Variants in HECW1 observed in about 807,000 individuals in gnomAD.
HECW1 encodes HECT, C2 and WW domain containing E3 ubiquitin protein ligase 1.
A neutral mutation model predicts 182.3 loss-of-function variants in HECW1; 61 were observed. The observed-to-expected ratio is 0.33, with a 90% CI of 0.27 to 0.41. The LOEUF (loss-of-function observed/expected upper bound fraction) is 0.41, where lower values mean the gene tolerates loss of function less well. Among genes scored for constraint, HECW1 ranks in the 10% least tolerant of loss-of-function variants. The pLI is 1.00. For synonymous variants in HECW1, 859 were observed against 832.6 expected (o/e 1.03, Z -0.55); for missense variants, 1,739 against 2,108.9 (o/e 0.82, Z 3.44).
intron 24 of HECW1, among the ~76,000 whole-genome samples, chr7:43,537,081 A>G (rs2081203638): frequency 6.6e-6 from 1 of 152,196 alleles, no homozygotes; most frequent in African/African-American, 2.4e-5. Context: ...GAGCAGTGCT[A>G]CACCCCAGGA....
intron 2 of HECW1, among the ~76,000 whole-genome samples, chr7:43,175,238 C>T (rs935626741): frequency 2.6e-5 from 4 of 152,046 alleles, no homozygotes; most frequent in African/African-American, 9.7e-5. Flanking sequence ...AACATTCATT[C>T]CCTCGCACAC....
intron 12 of HECW1, among the ~76,000 whole-genome samples, chr7:43,455,143 T>G (rs2077359842): frequency 6.6e-6 from 1 of 152,214 alleles, no homozygotes; most frequent in Non-Finnish European, 1.5e-5. Context: ...TTTTGTTTTC[T>G]TTTGTTTTTA....
At chr7:43,508,247 G>A (rs373957547) in intron 23 of HECW1, 116 bp downstream of exon 23, 13 of 615,808 alleles carry the variant, frequency 2.1e-5, no homozygotes, top group South Asian at 1.4e-4. Flanking sequence ...ACCCCAATGC[G>A]ATTCTGATCA....
At chr7:43,479,333 C>A (rs907922567) in intron 16 of HECW1, among the ~76,000 whole-genome samples, 1 of 152,078 alleles carries the variant, frequency 6.6e-6, no homozygotes, top group Non-Finnish European at 1.5e-5. Flanking sequence ...GGGGTTTGTG[C>A]TCCTATGAGA....
intron 2 of HECW1, among the ~76,000 whole-genome samples, chr7:43,169,076 A>G (rs1320765174): frequency 6.6e-6 from 1 of 152,170 alleles, no homozygotes; most frequent in African/African-American, 2.4e-5. Context: ...TATATTTGAA[A>G]TTAGTAGGGA....
chr7:43,427,765 G>T (rs1266681740), intron 8 of HECW1, among the ~76,000 whole-genome samples: 1 of 152,116 alleles, frequency 6.6e-6, no homozygotes, highest in East Asian at 1.9e-4. Flanking sequence ...GTTGTTGGCA[G>T]AATTGAGATC....
chr7:43,477,342 G>A (rs2078256881), intron 16 of HECW1, among the ~76,000 whole-genome samples: 1 of 152,028 alleles, frequency 6.6e-6, no homozygotes, highest in Non-Finnish European at 1.5e-5. Flanking sequence ...CTAAACAATT[G>A]CCACAGATAC....
rs2076980120 is a variant in HECW1, at chr7:43,444,410, C to T, written c.1238C>T (p.Ser413Phe). The T allele has an allele frequency of 6.2e-7, 1 of 1,613,922 alleles. No homozygotes were observed. The highest frequency in any genetic ancestry group is 1.7e-5 in the Admixed American group (1 of 60,002). The change falls in exon 11 of 30, where the codon TCC becomes TTC. Residue 413 changes from serine (S) to phenylalanine (F), a missense_variant. This residue lies in a region of HECW1 where 971 missense variants were observed against 1,029.1 expected (regional missense o/e 0.94). Transcript: ENST00000395891. The surrounding 1 kb of genome is among the most constrained non-coding windows in gnomAD (Gnocchi z 4.3). ...DGPGNQSIEL[S>F]RPAEEAAVIT... is the part of the protein sequence containing the mutation. ...CCAGGGAACCAAAGCATAGAGCTTT[C>T]CAGACCAGCTGAGGAAGCAGCAGTC...
intron 6 of HECW1, among the ~76,000 whole-genome samples, chr7:43,370,846 A>G (rs908943546): frequency 6.6e-6 from 1 of 151,864 alleles, no homozygotes; most frequent in Non-Finnish European, 1.5e-5. Context: ...GCGGGGAAGG[A>G]TGAATAGGAG....
chr7:43,242,481 T>C (rs557830231), intron 2 of HECW1, among the ~76,000 whole-genome samples: 10 of 152,290 alleles, frequency 6.6e-5, no homozygotes, highest in African/African-American at 2.4e-4. Flanking sequence ...AGAGGAACCA[T>C]GACTAAGGCT....
rs565439663 is a variant in HECW1, at chr7:43,159,308, T to G, written c.-32+44917T>G. Among the ~76,000 whole-genome samples, 491 of 152,102 alleles carry G rather than the reference T, an allele frequency of 3.2e-3. 5 individuals carry two copies. Among genetic ancestry groups the G allele is most frequent in the African/African-American group, 9.2e-3 (382 of 41,452 alleles). On this transcript the variant is annotated intron_variant, in intron 2 of 29. Transcript: ENST00000395891. ...ATCAACTCATCACTTACCTTAGGTA[T>G]TTCTCCTAATGCTATCCTTCCCCCA...
At chr7:43,334,517 T>C (rs3886968) in intron 5 of HECW1, among the ~76,000 whole-genome samples, 28,189 of 152,112 alleles carry the variant, frequency 0.19, 3,440 homozygotes, top group Non-Finnish European at 0.27. Context: ...CCCTTATCCG[T>C]TGCAGCAGCT....
intron 2 of HECW1, among the ~76,000 whole-genome samples, chr7:43,216,396 A>G (rs1796444687): frequency 6.6e-6 from 1 of 152,052 alleles, no homozygotes; most frequent in African/African-American, 2.4e-5. Context: ...CGCCCACCTC[A>G]GCTTCCCAAA....
intron 5 of HECW1, among the ~76,000 whole-genome samples, chr7:43,322,510 T>C (rs1362395412): frequency 6.6e-6 from 1 of 152,130 alleles, no homozygotes; most frequent in Non-Finnish European, 1.5e-5. Flanking sequence ...ATCTCTCTGC[T>C]CAGCTGCCAA....
At chr7:43,456,227 GT>G in intron 12 of HECW1, 69 bp from the exon 13 acceptor site, 1 of 1,484,830 alleles carries the variant, frequency 6.7e-7, no homozygotes, top group South Asian at 1.3e-5. Flanking sequence ...AGACTTGGAA[GT>G]TGTATGTGTT....
At chr7:43,403,474 C>G (rs1015932221) in intron 7 of HECW1, among the ~76,000 whole-genome samples, 1 of 152,160 alleles carries the variant, frequency 6.6e-6, no homozygotes, top group Non-Finnish European at 1.5e-5. Context: ...TGGTGATCAA[C>G]CTTTGATCCC....
intron 6 of HECW1, among the ~76,000 whole-genome samples, chr7:43,364,086 G>A (rs1168066600): frequency 6.6e-6 from 1 of 152,164 alleles, no homozygotes; most frequent in East Asian, 1.9e-4. Flanking sequence ...ATGAAGAGTT[G>A]CTGTGTATTG....
chr7:43,421,426 T>C (rs902592592), intron 8 of HECW1, among the ~76,000 whole-genome samples: 12 of 152,048 alleles, frequency 7.9e-5, no homozygotes, highest in African/African-American at 2.9e-4. Flanking sequence ...AATCATAAAA[T>C]AAAAGAATAA....
intron 2 of HECW1, among the ~76,000 whole-genome samples, chr7:43,176,737 C>T (rs1244756826): frequency 6.6e-6 from 1 of 152,232 alleles, no homozygotes; most frequent in African/African-American, 2.4e-5. Context: ...TCTCACTTCT[C>T]AACACTGCTG....
Sources: allele counts gnomAD v4.1 joint callset (sites outside exome capture counted in the v4.1 genomes callset), GRCh38; gene constraint gnomAD v4.1.1; regional missense constraint gnomAD v4.1.1; non-coding constraint Gnocchi (gnomAD v3.1); transcripts MANE v1.5; gene names NCBI Gene and HGNC (gene_info 2026-07-23, HGNC 2026-07-21).